The following TXNDC8 variants were observed in gnomAD, a reference collection of about 807,000 sequenced individuals.
The protein encoded by TXNDC8 is thioredoxin domain-containing protein 8.
In TXNDC8, 15 loss-of-function variants were observed where a neutral mutation model predicts 12.9. That is an observed-to-expected ratio of 1.16 (90% confidence interval 0.78 to 1.79). The LOEUF (loss-of-function observed/expected upper bound fraction) is 1.79, where lower values mean the gene tolerates loss of function less well. Among genes scored for constraint, TXNDC8 ranks in the 40% most tolerant of loss-of-function variants. The probability of loss-of-function intolerance (pLI) is 0.00; values close to 1 mark genes in which losing one functional copy is unlikely to be tolerated. For missense variants in TXNDC8, 128 were observed against 113.2 expected (o/e 1.13, Z -0.59); for synonymous variants, 40 against 35.4 (o/e 1.13, Z -0.46).
At chr9:110,326,380 C>G (rs1175701752) in intron 2 of TXNDC8, 140 bp from the exon 4 acceptor site, 2 of 685,600 alleles carry the variant, frequency 2.9e-6, no homozygotes, top group Admixed American at 2.6e-5. Context: ...CTGCTATGAA[C>G]TTTTCTAACA....
intron 2 of TXNDC8, among the ~76,000 whole-genome samples, chr9:110,329,618 G>A (rs1839475323): frequency 1.3e-5 from 2 of 152,216 alleles, no homozygotes; most frequent in African/African-American, 2.4e-5. Flanking sequence ...GGATAGTAGA[G>A]TAGCTTTCTC....
chr9:110,331,740 G>A lies in TXNDC8; in HGVS notation c.129+2476C>T, dbSNP rs578090553. 5.3e-5 allele frequency among the ~76,000 whole-genome samples: 8 copies of A among 152,222 alleles called. No individual in the cohort carries two copies. The East Asian group carries it at 9.7e-4, about 18-fold the overall frequency. ...AAGGAGGGTGCAACCTAGATCCCTC[G>A]CATGTGCAATTCACAATAGGGTTTG... is the stretch of plus-strand genomic sequence containing the variant. On this transcript the variant is annotated intron_variant, in intron 2 of 4. Coordinates refer to ENST00000423740, the MANE Select transcript of TXNDC8 (RefSeq NM_001286946.2).
intron 3 of TXNDC8, among the ~76,000 whole-genome samples, chr9:110,319,200 A>G (rs1242638882): frequency 1.3e-5 from 2 of 152,198 alleles, no homozygotes. Context: ...CCTCATGCAG[A>G]ACATCTCTGT....
chr9:110,304,365 T>C, intron 4 of TXNDC8, 102 bp downstream of exon 5: 1 of 1,071,530 alleles, frequency 9.3e-7, no homozygotes, highest in Non-Finnish European at 1.4e-6. Context: ...CAAAGGCTTC[T>C]GCTTCTCCAG....
At position 110,334,254 on chromosome 9, in the gene TXNDC8, G is replaced by A. The variant is rs370777037; in HGVS notation, c.91C>T (p.Arg31Trp). Residue 31 changes from arginine to tryptophan, a missense_variant, in exon 2 of 5, where the codon CGG becomes TGG. Transcript: ENST00000423740. ...AACATCCTTTTGCAGGGACCACACC[G>A]TTTCGAAGAAAATTGAACCACTGCG... 5.0e-6 allele frequency: 8 copies of A among 1,613,628 alleles called. No homozygotes were observed. Among genetic ancestry groups the A allele is most frequent in the African/African-American group, 4.0e-5 (3 of 74,936 alleles).
chr9:110,312,039 G>A (rs931150242), intron 3 of TXNDC8, among the ~76,000 whole-genome samples: 11 of 151,556 alleles, frequency 7.3e-5, no homozygotes, highest in Non-Finnish European at 2.9e-5. Context: ...AGCAGAGCAG[G>A]AGTTATCTGC....
intron 2 of TXNDC8, among the ~76,000 whole-genome samples, chr9:110,329,625 T>C (rs973029194): frequency 1.3e-5 from 2 of 152,172 alleles, no homozygotes; most frequent in Admixed American, 6.6e-5. Flanking sequence ...AGAGTAGCTT[T>C]CTCCTGGGAG....
At chr9:110,328,492 G>T (rs561953033) in intron 2 of TXNDC8, among the ~76,000 whole-genome samples, 1 of 152,336 alleles carries the variant, frequency 6.6e-6, no homozygotes, top group African/African-American at 2.4e-5. Flanking sequence ...TGTCTGTAAT[G>T]CACTGAGGTA....
chr9:110,306,099 TC>T (rs1838461361), intron 3 of TXNDC8, among the ~76,000 whole-genome samples: 1 of 152,138 alleles, frequency 6.6e-6, no homozygotes, highest in African/African-American at 2.4e-5. Context: ...ACTTCTGACC[TC>T]CAGTGATCTG....
chr9:110,304,528 G>C lies in TXNDC8; in HGVS notation c.200C>G (p.Thr67Ser). The C allele has an allele frequency of 3.1e-6, 5 of 1,607,246 alleles. No individual in the cohort carries two copies. Among genetic ancestry groups the C allele is most frequent in the Non-Finnish European group, 4.3e-6 (5 of 1,175,722 alleles). Residue 67 changes from threonine (T) to serine (S), a missense_variant, in exon 4 of 5, where the codon ACC becomes AGC. Coordinates refer to ENST00000423740, the MANE Select transcript of TXNDC8 (RefSeq NM_001286946.2). The stretch of plus-strand genomic sequence containing the variant: ...TATTCTTTTGATTCTTGAGAATAGG[G>C]TTACCTAAGTGTGGGTGCAGAATTT...
At chr9:110,302,527 A>G (rs185104818), downstream of TXNDC8, among the ~76,000 whole-genome samples, 4 of 152,294 alleles carry the variant, frequency 2.6e-5, no homozygotes, top group Admixed American at 6.5e-5. Context: ...CACTCTGTCT[A>G]TGACTTAAGA....
chr9:110,316,863 C>A (rs1321046866), intron 3 of TXNDC8, among the ~76,000 whole-genome samples: 2 of 152,206 alleles, frequency 1.3e-5, no homozygotes, highest in Non-Finnish European at 2.9e-5. Context: ...CATTTGGTCT[C>A]TGTTGCAACT....
chr9:110,311,758 CTATGTACTATA>C (rs1241493029), intron 3 of TXNDC8, among the ~76,000 whole-genome samples: 6 of 134,964 alleles, frequency 4.4e-5, no homozygotes, highest in African/African-American at 8.3e-5. Context: ...TATGGATATA[CTATGTACTATA>C]TATATACTAT....
chr9:110,319,926 C>A (rs777740676), intron 3 of TXNDC8, among the ~76,000 whole-genome samples: 1 of 152,170 alleles, frequency 6.6e-6, no homozygotes, highest in East Asian at 1.9e-4. Flanking sequence ...CATAAGGGCA[C>A]AAGCTTCCTC....
intron 3 of TXNDC8, among the ~76,000 whole-genome samples, chr9:110,324,839 C>T (rs528243662): frequency 9.2e-5 from 14 of 152,274 alleles, no homozygotes; most frequent in South Asian, 6.2e-4. Flanking sequence ...CCACCAAGTG[C>T]GGTGGCACAT....
At chr9:110,333,990 G>A (rs1342636765) in intron 2 of TXNDC8, among the ~76,000 whole-genome samples, 1 of 152,070 alleles carries the variant, frequency 6.6e-6, no homozygotes, top group East Asian at 1.9e-4. Flanking sequence ...CACATCTTGG[G>A]ATGTTCTTGC....
chr9:110,326,479 C>T (rs1442665930), intron 2 of TXNDC8, among the ~76,000 whole-genome samples: 2 of 152,022 alleles, frequency 1.3e-5, no homozygotes, highest in African/African-American at 4.8e-5. Flanking sequence ...TCCCATAGAA[C>T]CAGGAGGTGG....
At chr9:110,337,723 C>T (rs1839812670) in intron 1 of TXNDC8, 50 bp downstream of exon 1, 1 of 1,582,814 alleles carries the variant, frequency 6.3e-7, no homozygotes, top group African/African-American at 1.3e-5. Context: ...CAAATCTGTT[C>T]CCAAGATGTC....
At chr9:110,306,558 T>C (rs1838474325) in intron 3 of TXNDC8, among the ~76,000 whole-genome samples, 1 of 152,208 alleles carries the variant, frequency 6.6e-6, no homozygotes, top group African/African-American at 2.4e-5. Context: ...GCCATAAAGC[T>C]TGAACTCAGT....
Sources: allele counts gnomAD v4.1 joint callset (sites outside exome capture counted in the v4.1 genomes callset), GRCh38; gene constraint gnomAD v4.1.1; transcripts MANE v1.5; gene names NCBI Gene and HGNC (gene_info 2026-07-23, HGNC 2026-07-21).